The following SYT9 variants were observed in gnomAD, a reference collection of about 807,000 sequenced individuals.
SYT9 encodes synaptotagmin-9.
Under a neutral mutation model 48.4 loss-of-function variants are expected in SYT9, and 22 were observed. That is an observed-to-expected ratio of 0.45 (90% CI 0.32 to 0.65). The LOEUF (loss-of-function observed/expected upper bound fraction) is 0.65. SYT9 is among the 30% of genes least tolerant of loss of function. The probability of loss-of-function intolerance (pLI) is 0.03; values close to 1 mark genes in which losing one functional copy is unlikely to be tolerated. For missense variants in SYT9, 577 were observed against 622.0 expected, an observed-to-expected ratio of 0.93 and a Z score of 0.77; for synonymous variants, 265 against 245.0, an observed-to-expected ratio of 1.08 and a Z score of -0.76.
At chr11:7,405,711 T>C (rs1329156846) in intron 3 of SYT9, among the ~76,000 whole-genome samples, 3 of 152,238 alleles carry the variant, frequency 2.0e-5, no homozygotes, top group African/African-American at 4.8e-5. Flanking sequence ...ATTCACACTG[T>C]TGCTCTTGGG....
chr11:7,255,524 C>T (rs541458231), intron 1 of SYT9, among the ~76,000 whole-genome samples: 1 of 152,220 alleles, frequency 6.6e-6, no homozygotes, highest in Admixed American at 6.5e-5. Flanking sequence ...TTCAGAAATC[C>T]AGACAGAGGT....
intron 6 of SYT9, among the ~76,000 whole-genome samples, chr11:7,459,905 G>A (rs990796037): frequency 2.6e-5 from 4 of 152,126 alleles, no homozygotes; most frequent in Non-Finnish European, 4.4e-5. Flanking sequence ...GAAAGCATGG[G>A]CCCACTGGTA....
At chr11:7,337,298 A>G (rs924657040) in intron 3 of SYT9, among the ~76,000 whole-genome samples, 1 of 152,052 alleles carries the variant, frequency 6.6e-6, no homozygotes, top group African/African-American at 2.4e-5. Flanking sequence ...GCAACCCGAG[A>G]TAGTCTGACT....
intron 1 of SYT9, among the ~76,000 whole-genome samples, chr11:7,277,091 AT>A (rs996259735): frequency 3.3e-5 from 5 of 152,044 alleles, no homozygotes; most frequent in African/African-American, 1.2e-4. Flanking sequence ...AACAAACATT[AT>A]CTGCCATGTG....
chr11:7,262,320 G>A (rs1848095201), intron 1 of SYT9, among the ~76,000 whole-genome samples: 1 of 152,136 alleles, frequency 6.6e-6, no homozygotes, highest in Admixed American at 6.5e-5. Flanking sequence ...GCTTATTAGT[G>A]AGCCCAGTGG....
At chr11:7,269,744 T>G (rs140516590) in intron 1 of SYT9, among the ~76,000 whole-genome samples, 82 of 152,316 alleles carry the variant, frequency 5.4e-4, no homozygotes, top group African/African-American at 1.8e-3. Context: ...CATATTGCCA[T>G]CCCTAGCTAC....
intron 3 of SYT9, among the ~76,000 whole-genome samples, chr11:7,361,365 A>G (rs1449377090): frequency 6.6e-6 from 1 of 152,022 alleles, no homozygotes; most frequent in East Asian, 1.9e-4. Context: ...TTTGTCTTTG[A>G]CTTATAGTGA....
At chr11:7,400,100 T>G (rs1334362021) in intron 3 of SYT9, among the ~76,000 whole-genome samples, 1 of 152,206 alleles carries the variant, frequency 6.6e-6, no homozygotes, top group African/African-American at 2.4e-5. Flanking sequence ...CTTAGATCAG[T>G]GAAGAGTAAA....
At chr11:7,321,334 G>A (rs1418203418) in intron 3 of SYT9, among the ~76,000 whole-genome samples, 1 of 152,090 alleles carries the variant, frequency 6.6e-6, no homozygotes, top group Non-Finnish European at 1.5e-5. Flanking sequence ...GAGGCCACTC[G>A]CAGACCTGAT....
intron 6 of SYT9, among the ~76,000 whole-genome samples, chr11:7,446,342 C>T (rs1847929647): frequency 6.6e-6 from 1 of 152,176 alleles, no homozygotes; most frequent in African/African-American, 2.4e-5. Context: ...TACAAGAGTG[C>T]CTAGTACCTA....
chr11:7,274,142 A>G (rs16924230), intron 1 of SYT9, among the ~76,000 whole-genome samples: 3,979 of 152,232 alleles, frequency 0.026, 67 homozygotes, highest in African/African-American at 0.052. Context: ...TGACAAGTTT[A>G]TTACCTGCTG....
chr11:7,345,587 T>C (rs138885095), intron 3 of SYT9, among the ~76,000 whole-genome samples: 3,520 of 152,268 alleles, frequency 0.023, 62 homozygotes, highest in Middle Eastern at 0.034. Flanking sequence ...AGGTGAAGAA[T>C]AGGCTGTATT....
chr11:7,307,072 C>T (rs1324502487), intron 2 of SYT9, among the ~76,000 whole-genome samples: 1 of 152,192 alleles, frequency 6.6e-6, no homozygotes, highest in Non-Finnish European at 1.5e-5. Context: ...GGCGGAAGGC[C>T]ATTTGTCCCA....
chr11:7,249,844 C>T (rs73405460), upstream of SYT9, among the ~76,000 whole-genome samples: 3,545 of 152,282 alleles, frequency 0.023, 148 homozygotes, highest in African/African-American at 0.08. Flanking sequence ...GAATGTCTTA[C>T]TGTCTACTTT....
intron 3 of SYT9, among the ~76,000 whole-genome samples, chr11:7,341,740 T>C (rs1447198310): frequency 6.6e-6 from 1 of 152,228 alleles, no homozygotes; most frequent in Non-Finnish European, 1.5e-5. Context: ...TGTGTAATCA[T>C]ACTGTGTGTA....
intron 1 of SYT9, among the ~76,000 whole-genome samples, chr11:7,259,424 C>G (rs1434513860): frequency 6.6e-6 from 1 of 151,854 alleles, no homozygotes; most frequent in Non-Finnish European, 1.5e-5. Flanking sequence ...TATTTATAGT[C>G]CCCTGTTTCC....
At chr11:7,380,501 A>G (rs989839465) in intron 3 of SYT9, among the ~76,000 whole-genome samples, 2 of 152,200 alleles carry the variant, frequency 1.3e-5, no homozygotes, top group African/African-American at 4.8e-5. Context: ...CTCATTTTCC[A>G]TGATGTGCTT....
Position 7,468,396 on chromosome 11 carries a change from C to CTGAT in SYT9, c.*1599_*1602dup, listed in dbSNP as rs1848368030. The stretch of plus-strand genomic sequence containing the variant: ...GTCATTACATTCAAGCTTCACTTCT[C>CTGAT]TGATTGGCTTCCAACCACTGGGATT... On this transcript the variant is annotated 3_prime_UTR_variant, in exon 7 of 7. Coordinates refer to ENST00000318881, the MANE Select transcript of SYT9 (RefSeq NM_175733.4). 2.5e-6 allele frequency: 1 copy of CTGAT among 398,270 alleles called. No homozygotes were observed. Among genetic ancestry groups the CTGAT allele is most frequent in the Non-Finnish European group, 4.4e-6 (1 of 225,940 alleles). 24.7% of individuals were successfully genotyped at this position (398,270 alleles called of 1,614,324 possible).
intron 3 of SYT9, among the ~76,000 whole-genome samples, chr11:7,379,577 A>T (rs116513248): frequency 1.5e-3 from 229 of 152,252 alleles, no homozygotes; most frequent in African/African-American, 5.2e-3. Context: ...CATTGGAATC[A>T]TGAAGAAGTT....
Sources: gnomAD v4.1 joint callset for allele counts (sites outside exome capture counted in the v4.1 genomes callset) on GRCh38, gnomAD v4.1.1 for gene constraint, MANE v1.5 for transcripts, NCBI Gene and HGNC (gene_info 2026-07-23, HGNC 2026-07-21) for gene names.